Variants in SFXN5 observed in about 807,000 individuals in gnomAD.
SFXN5 encodes the protein sideroflexin 5.
A neutral mutation model predicts 50.2 loss-of-function variants in SFXN5; 43 were observed. The ratio of observed to expected loss-of-function variants is 0.86; its 90% CI spans 0.67 to 1.11. SFXN5 has a LOEUF of 1.11. Ranked by LOEUF, SFXN5 falls within the 50% of genes least tolerant of loss-of-function variation. SFXN5 has a pLI of 0.00. For synonymous variants in SFXN5, 203 were observed against 185.8 expected (o/e 1.09, Z -0.75); for missense variants, 463 against 454.1 (o/e 1.02, Z -0.18).
At chr2:73,008,360 GAGA>G (rs145641790) in intron 6 of SFXN5, among the ~76,000 whole-genome samples, 1,979 of 152,302 alleles carry the variant, frequency 0.013, 37 homozygotes, top group African/African-American at 0.041. Context: ...ATGGAGCGGG[GAGA>G]AGGAGAGGGG....
At chr2:73,051,257 C>CTTTTT (rs35074891) in intron 2 of SFXN5, among the ~76,000 whole-genome samples, 11,121 of 114,470 alleles carry the variant, frequency 0.097, 937 homozygotes, top group East Asian at 0.35. Flanking sequence ...TTTTCCAGCA[C>CTTTTT]TTTTTTTTTT....
intron 9 of SFXN5, among the ~76,000 whole-genome samples, chr2:72,993,065 T>G (rs1228142391): frequency 6.6e-6 from 1 of 152,136 alleles, no homozygotes; most frequent in Non-Finnish European, 1.5e-5. Flanking sequence ...CAGACGACAG[T>G]CTACAGACTC....
chr2:72,957,155 A>G, intron 13 of SFXN5: 1 of 444,104 alleles, frequency 2.3e-6, no homozygotes, highest in Non-Finnish European at 4.6e-6. Context: ...CCATACACTG[A>G]AGGTTCCGTA....
At chr2:73,034,567 A>G (rs1208131897) in intron 3 of SFXN5, among the ~76,000 whole-genome samples, 1 of 152,016 alleles carries the variant, frequency 6.6e-6, no homozygotes, top group Non-Finnish European at 1.5e-5. Context: ...TACATTCATT[A>G]CCCTGGGTGC....
intron 1 of SFXN5, among the ~76,000 whole-genome samples, chr2:73,066,021 A>G (rs561550089): frequency 6.8e-4 from 104 of 152,332 alleles, no homozygotes; most frequent in African/African-American, 2.4e-3. Flanking sequence ...GAAAGGAAGC[A>G]AAGCAGGTCT....
chr2:73,031,489 G>C (rs1678298957), intron 3 of SFXN5, among the ~76,000 whole-genome samples: 1 of 152,246 alleles, frequency 6.6e-6, no homozygotes, highest in Non-Finnish European at 1.5e-5. Context: ...ATTTAAGCTA[G>C]TACATTTGGG....
At chr2:72,959,748 C>T (rs1254951336) in intron 13 of SFXN5, among the ~76,000 whole-genome samples, 4 of 152,286 alleles carry the variant, frequency 2.6e-5, no homozygotes, top group South Asian at 2.1e-4. Context: ...GTCCTGTCAG[C>T]GTCCTCGACA....
Position 72,971,826 on chromosome 2 carries a change from C to G in SFXN5, c.626-141G>C, listed in dbSNP as rs567769136. The G allele has an allele frequency of 2.9e-5, 18 of 616,960 alleles. 1 individual carries two copies. The South Asian group carries it at 3.9e-4, about 13-fold the overall frequency. 38.2% of individuals were successfully genotyped at this position (616,960 alleles called of 1,614,324 possible). A position where few individuals can be genotyped will look rare whatever the true frequency, so the allele number is the denominator to read the frequency against. On this transcript the variant is annotated intron_variant, in intron 10 of 13. Transcript: ENST00000272433. Reference sequence around the variant, plus strand: ...GGCAAAGGTTAGGGAAGGGGTGGTTCTGTTGTCCATCTGCCTATCAGCCTG... The same window carrying G: ...GGCAAAGGTTAGGGAAGGGGTGGTTGTGTTGTCCATCTGCCTATCAGCCTG...
chr2:73,004,086 T>A (rs1674277601), intron 6 of SFXN5, among the ~76,000 whole-genome samples: 2 of 152,194 alleles, frequency 1.3e-5, no homozygotes, highest in African/African-American at 4.8e-5. Context: ...AGAAATTCAG[T>A]AATCTGTCCA....
At chr2:72,966,735 A>G (rs1380280736) in intron 12 of SFXN5, among the ~76,000 whole-genome samples, 1 of 152,054 alleles carries the variant, frequency 6.6e-6, no homozygotes, top group African/African-American at 2.4e-5. Context: ...TTCCACAAAA[A>G]TTCTATCCTG....
intron 10 of SFXN5, among the ~76,000 whole-genome samples, chr2:72,985,844 G>T (rs1209738280): frequency 1.3e-5 from 2 of 152,226 alleles, no homozygotes; most frequent in Non-Finnish European, 2.9e-5. Context: ...AGGTCAGAAA[G>T]TCTCAGACCC....
chr2:72,988,850 C>T (rs1176588910), intron 9 of SFXN5, among the ~76,000 whole-genome samples: 3 of 152,152 alleles, frequency 2.0e-5, no homozygotes, highest in Non-Finnish European at 4.4e-5. Context: ...CACCTGCCCA[C>T]AGGCTGCAGG....
Position 72,973,098 on chromosome 2 carries a change from T to A in SFXN5, c.626-1413A>T, listed in dbSNP as rs1396960558. ...AGACCCCTGGGGCCTCAGTCGCCTG[T>A]TTCATTAAAATGGGGAGGTGGAATA... On this transcript the variant is annotated intron_variant, in intron 10 of 13. Transcript: ENST00000272433. The surrounding 1 kb of genome is among the most constrained non-coding windows in gnomAD (Gnocchi z 5.5). 1 of 152,140 alleles carries A rather than the reference T, an allele frequency of 6.6e-6. No homozygotes were observed. Among genetic ancestry groups the A allele is most frequent in the Non-Finnish European group, 1.5e-5 (1 of 68,074 alleles). The allele number at this position is 152,140 out of a possible 1,614,324, so 9.4% of individuals were successfully genotyped here.
At position 72,945,360 on chromosome 2, in the gene SFXN5, A is replaced by G. The variant is rs1671824556; in HGVS notation, c.946-261T>C. 6.6e-6 allele frequency among the ~76,000 whole-genome samples: 1 copy of G among 151,958 alleles called. No homozygotes were observed. Among genetic ancestry groups the G allele is most frequent in the Admixed American group, 6.6e-5 (1 of 15,264 alleles). ...GTGTGTCCACGTGGGTGGACATCCTACACACTGGCCTCTGAGTTCTGCATC... is the reference window on the plus strand; with the variant it reads ...GTGTGTCCACGTGGGTGGACATCCTGCACACTGGCCTCTGAGTTCTGCATC... On this transcript the variant is annotated intron_variant, in intron 13 of 13. Transcript: ENST00000272433. This position sits in a 1 kb window ranked among gnomAD's most constrained non-coding sequence, Gnocchi z 5.8.
Position 72,945,245 on chromosome 2 carries a change from C to T in SFXN5, c.946-146G>A. The T allele has an allele frequency of 1.4e-6, 1 of 703,348 alleles. No homozygotes were observed. The highest frequency in any genetic ancestry group is 1.8e-5 in the African/African-American group (1 of 56,420). 43.6% of individuals were successfully genotyped at this position (703,348 alleles called of 1,614,324 possible). A position where few individuals can be genotyped will look rare whatever the true frequency, so the allele number is the denominator to read the frequency against. ...CCCCAGCCAGGGCTCACATGCCCTACCTAGTGACACATCTTCCTTCTCCAC... is the reference window on the plus strand; with the variant it reads ...CCCCAGCCAGGGCTCACATGCCCTATCTAGTGACACATCTTCCTTCTCCAC... On this transcript the variant is annotated intron_variant, in intron 13 of 13. Transcript: ENST00000272433. This position sits in a 1 kb window ranked among gnomAD's most constrained non-coding sequence, Gnocchi z 5.8.
At chr2:73,009,680 C>A (rs1675243030) in intron 6 of SFXN5, among the ~76,000 whole-genome samples, 1 of 152,210 alleles carries the variant, frequency 6.6e-6, no homozygotes, top group African/African-American at 2.4e-5. Context: ...CGTTTATTCA[C>A]AGAAGGATGC....
intron 3 of SFXN5, among the ~76,000 whole-genome samples, chr2:73,030,390 G>A (rs1210704163): frequency 1.3e-5 from 2 of 152,056 alleles, no homozygotes; most frequent in African/African-American, 4.8e-5. Context: ...TGTTGTTGTT[G>A]TTGTAGAAAC....
At chr2:72,968,390 C>A in intron 12 of SFXN5, 58 bp downstream of exon 12, 2 of 1,535,284 alleles carry the variant, frequency 1.3e-6, no homozygotes, top group South Asian at 1.2e-5. Flanking sequence ...GCCGGTTCCC[C>A]CTCCCTCTCC....
chr2:72,991,516 G>A (rs1035894288), intron 9 of SFXN5, among the ~76,000 whole-genome samples: 4 of 152,238 alleles, frequency 2.6e-5, no homozygotes, highest in Admixed American at 1.3e-4. Context: ...TGGCAGGGAG[G>A]GCGTGGACAC....
Sources: gnomAD v4.1 joint callset for allele counts (sites outside exome capture counted in the v4.1 genomes callset) on GRCh38, gnomAD v4.1.1 for gene constraint, Gnocchi (gnomAD v3.1) non-coding constraint, MANE v1.5 for transcripts, NCBI Gene and HGNC (gene_info 2026-07-23, HGNC 2026-07-21) for gene names.